Variants in DLGAP2 observed in about 807,000 individuals in gnomAD.
The protein encoded by DLGAP2 is disks large-associated protein 2.
A neutral mutation model predicts 100.3 loss-of-function variants in DLGAP2; 26 were observed. That is an observed-to-expected ratio of 0.26 (90% CI 0.19 to 0.36). The LOEUF is 0.36. Ranked by LOEUF, DLGAP2 falls within the 10% of genes least tolerant of loss-of-function variation. DLGAP2 has a pLI of 1.00. For synonymous variants in DLGAP2, 886 were observed against 630.1 expected (o/e 1.41, Z -6.08); for missense variants, 1,858 against 1,453.2 (o/e 1.28, Z -4.53).
chr8:965,251 G>A (rs13272954), intron 2 of DLGAP2, among the ~76,000 whole-genome samples: 2 of 143,556 alleles, frequency 1.4e-5, no homozygotes, highest in African/African-American at 5.3e-5. Flanking sequence ...CACCTCACAC[G>A]GCTCCTGAGC....
At chr8:1,556,373 G>T (rs184893989) in intron 5 of DLGAP2, among the ~76,000 whole-genome samples, 1 of 152,072 alleles carries the variant, frequency 6.6e-6, no homozygotes, top group Non-Finnish European at 1.5e-5. Flanking sequence ...TGCTCCTGCA[G>T]GAGTGCAGGT....
rs1210104991 is a variant in DLGAP2 at position 1,701,737 on chromosome 8, A to G, written c.*331A>G. ...TGCCTCTGGAGCTGGAACCCAGCTTACATTTTGTTATTTCTATTTTTATAA... is the reference window on the plus strand; with the variant it reads ...TGCCTCTGGAGCTGGAACCCAGCTTGCATTTTGTTATTTCTATTTTTATAA... On this transcript the variant is annotated 3_prime_UTR_variant, in exon 15 of 15. Transcript: ENST00000637795. The G allele has an allele frequency of 2.7e-6, 1 of 365,638 alleles. No homozygotes were observed. The highest frequency in any genetic ancestry group is 4.9e-6 in the Non-Finnish European group (1 of 205,720). 22.6% of individuals were successfully genotyped at this position (365,638 alleles called of 1,614,324 possible). A position where few individuals can be genotyped will look rare whatever the true frequency, so the allele number is the denominator to read the frequency against.
rs963951761 is a variant in DLGAP2 at position 1,660,606 on chromosome 8, T to C, written c.1811-7723T>C. ...ATGTTTCTTTAACTTCTACAGTGTT[T>C]CCAATTCTTTAAACGCTACAGGTCA... On this transcript the variant is annotated intron_variant, in intron 8 of 14. Coordinates refer to ENST00000637795, the MANE Select transcript of DLGAP2 (RefSeq NM_001346810.2). Among the ~76,000 whole-genome samples, 4 of 152,344 alleles carry C rather than the reference T, an allele frequency of 2.6e-5. No homozygotes were observed. In the South Asian group the frequency reaches 8.3e-4, roughly 32 times the overall value.
intron 3 of DLGAP2, among the ~76,000 whole-genome samples, chr8:1,474,789 T>C (rs1419057676): frequency 6.6e-6 from 1 of 152,226 alleles, no homozygotes. Context: ...AGTGCGAGCG[T>C]ACATTGGTTC....
At chr8:1,377,756 C>A (rs890883322) in intron 3 of DLGAP2, 2 of 143,708 alleles carry the variant, frequency 1.4e-5, no homozygotes, top group African/African-American at 2.5e-5. Context: ...CTCTGGTATT[C>A]TTGGTCCAGC....
intron 3 of DLGAP2, chr8:1,302,266 C>A (rs866303673): frequency 8.3e-5 from 11 of 133,066 alleles, no homozygotes; most frequent in Non-Finnish European, 7.9e-5. Flanking sequence ...TCTGTGAGTT[C>A]CCGAGCTCTG....
intron 3 of DLGAP2, among the ~76,000 whole-genome samples, chr8:1,270,420 G>T (rs962780544): frequency 2.6e-5 from 4 of 152,176 alleles, no homozygotes; most frequent in African/African-American, 7.2e-5. Flanking sequence ...AGAAGCATTT[G>T]TTTTGCTTTA....
chr8:869,913 A>G (rs1797565957), intron 1 of DLGAP2, among the ~76,000 whole-genome samples: 1 of 152,072 alleles, frequency 6.6e-6, no homozygotes, highest in Non-Finnish European at 1.5e-5. Flanking sequence ...TGGAAAGAGG[A>G]CTAATCAGGG....
At chr8:1,036,443 C>T (rs1405026094) in intron 2 of DLGAP2, among the ~76,000 whole-genome samples, 2 of 152,194 alleles carry the variant, frequency 1.3e-5, no homozygotes, top group Non-Finnish European at 2.9e-5. Flanking sequence ...CCAGGGGACC[C>T]TACACGGGGT....
rs77100660 is a variant in DLGAP2, at chr8:1,392,166, G to C, written c.107-109200G>C. Among the ~76,000 whole-genome samples, 1,117 of 152,276 alleles carry C rather than the reference G, an allele frequency of 7.3e-3. 11 individuals carry two copies. The highest frequency in any genetic ancestry group is 0.025 in the African/African-American group (1,049 of 41,558). On this transcript the variant is annotated intron_variant, in intron 3 of 14. Transcript: ENST00000637795. Reference sequence around the variant, plus strand: ...AGGCTGGGGTGGGCCTAGAAAACAAGACCCCTGAGTTCCAGGCTCGGGTGC... The same window carrying C: ...AGGCTGGGGTGGGCCTAGAAAACAACACCCCTGAGTTCCAGGCTCGGGTGC...
intron 3 of DLGAP2, among the ~76,000 whole-genome samples, chr8:1,451,458 G>A (rs754858642): frequency 2.6e-5 from 4 of 152,052 alleles, no homozygotes; most frequent in South Asian, 2.1e-4. Context: ...CTGAAAGGGC[G>A]CTGGTGCCAG....
chr8:1,497,788 C>G (rs1799592984), intron 3 of DLGAP2, among the ~76,000 whole-genome samples: 1 of 152,200 alleles, frequency 6.6e-6, no homozygotes, highest in African/African-American at 2.4e-5. Context: ...TCCAAGACCC[C>G]TAGCAGATGC....
intron 3 of DLGAP2, among the ~76,000 whole-genome samples, chr8:1,284,921 A>G (rs77757105): frequency 0.018 from 2,686 of 152,070 alleles, 40 homozygotes; most frequent in Middle Eastern, 0.085. Flanking sequence ...GTGTTCCTTT[A>G]CTTTGTTTTT....
intron 4 of DLGAP2, among the ~76,000 whole-genome samples, chr8:1,531,810 A>T (rs896331370): frequency 6.6e-6 from 1 of 152,176 alleles, no homozygotes; most frequent in African/African-American, 2.4e-5. Context: ...AATCATGCCC[A>T]TAGCTAACTG....
chr8:868,809 C>T (rs1563071894), intron 1 of DLGAP2, among the ~76,000 whole-genome samples: 1 of 152,196 alleles, frequency 6.6e-6, no homozygotes, highest in African/African-American at 2.4e-5. Flanking sequence ...CACCTCCGGG[C>T]CTAGAGAGCG....
chr8:1,344,209 G>GTAAGTCCGTGTAC (rs1563095232), intron 3 of DLGAP2, among the ~76,000 whole-genome samples: 4 of 148,374 alleles, frequency 2.7e-5, no homozygotes, highest in Admixed American at 1.4e-4. Flanking sequence ...GGGCCCTGTC[G>GTAAGTCCGTGTAC]TGGGGCCTGT....
In DLGAP2 at chr8:1,501,513, G is replaced by T. The variant is rs886420898; in HGVS notation, c.172+82G>T. ...CCGGGCACCTCCCATCATGCGGACC[G>T]TCCCACAAACACACGTTAGCATGTT... On this transcript the variant is annotated intron_variant, in intron 4 of 14. Coordinates refer to ENST00000637795, the MANE Select transcript of DLGAP2 (RefSeq NM_001346810.2). The T allele has an allele frequency of 2.5e-5, 34 of 1,355,132 alleles. No homozygotes were observed. The African/African-American group carries it at 4.1e-4, about 16-fold the overall frequency. The allele number at this position is 1,355,132 out of a possible 1,614,324, so 83.9% of individuals were successfully genotyped here.
chr8:1,429,202 C>T (rs946581923), intron 3 of DLGAP2, among the ~76,000 whole-genome samples: 4 of 152,114 alleles, frequency 2.6e-5, no homozygotes, highest in Non-Finnish European at 5.9e-5. Flanking sequence ...ACTTAGAGGT[C>T]AGTTGGCAGT....
intron 3 of DLGAP2, among the ~76,000 whole-genome samples, chr8:1,321,947 T>C (rs1226915887): frequency 6.6e-6 from 1 of 152,220 alleles, no homozygotes; most frequent in Non-Finnish European, 1.5e-5. Flanking sequence ...AGGCATTTAA[T>C]TTTATGTTGT....
Sources: gnomAD v4.1 joint callset for allele counts (sites outside exome capture counted in the v4.1 genomes callset) on GRCh38, gnomAD v4.1.1 for gene constraint, MANE v1.5 for transcripts, NCBI Gene and HGNC (gene_info 2026-07-23, HGNC 2026-07-21) for gene names.